Variants in KCNIP4 observed in about 807,000 individuals in gnomAD.
The protein encoded by KCNIP4 is potassium voltage-gated channel interacting protein 4.
KCNIP4 carries 12 observed loss-of-function variants against 34.0 expected under a neutral mutation model. That is an observed-to-expected ratio of 0.35 (90% confidence interval 0.23 to 0.57). KCNIP4 has a LOEUF of 0.57. Ranked by LOEUF, KCNIP4 falls within the 20% of genes least tolerant of loss-of-function variation. The pLI, the probability that KCNIP4 is intolerant of heterozygous loss-of-function variation, is 0.83. For missense variants in KCNIP4, 238 were observed against 311.7 expected (o/e 0.76, Z 1.78); for synonymous variants, 124 against 102.2 (o/e 1.21, Z -1.29).
At chr4:21,815,590 G>A (rs1721941131) in intron 1 of KCNIP4, among the ~76,000 whole-genome samples, 1 of 152,064 alleles carries the variant, frequency 6.6e-6, no homozygotes, top group Non-Finnish European at 1.5e-5. Context: ...TATTTCCTGT[G>A]GGTGTGCAGA....
intron 1 of KCNIP4, among the ~76,000 whole-genome samples, chr4:21,422,284 T>G (rs2109630944): frequency 6.6e-6 from 1 of 150,716 alleles, no homozygotes; most frequent in East Asian, 2.0e-4. Flanking sequence ...CACTGCAACC[T>G]CCGCCTCCTG....
At chr4:20,756,829 C>T (rs1319534055) in intron 4 of KCNIP4, among the ~76,000 whole-genome samples, 2 of 152,022 alleles carry the variant, frequency 1.3e-5, no homozygotes, top group Non-Finnish European at 2.9e-5. Flanking sequence ...TTCTCTGTCT[C>T]CTTTGTTGAT....
At chr4:21,893,941 C>G (rs1477883898) in intron 1 of KCNIP4, among the ~76,000 whole-genome samples, 2 of 152,066 alleles carry the variant, frequency 1.3e-5, no homozygotes, top group African/African-American at 4.8e-5. Flanking sequence ...TATGCATAAC[C>G]TTGAAAATAA....
At chr4:21,559,068 T>G (rs955126790) in intron 1 of KCNIP4, among the ~76,000 whole-genome samples, 3 of 152,140 alleles carry the variant, frequency 2.0e-5, no homozygotes, top group Non-Finnish European at 2.9e-5. Flanking sequence ...TTAGCCATTG[T>G]TTTGAAAAAG....
intron 1 of KCNIP4, among the ~76,000 whole-genome samples, chr4:21,070,519 T>C (rs1744797358): frequency 1.3e-5 from 2 of 152,070 alleles, no homozygotes; most frequent in South Asian, 4.2e-4. Flanking sequence ...GTCATCTTAA[T>C]TTGTATTTCC....
chr4:21,751,059 A>C (rs1309829819), intron 1 of KCNIP4, among the ~76,000 whole-genome samples: 1 of 152,144 alleles, frequency 6.6e-6, no homozygotes, highest in Non-Finnish European at 1.5e-5. Context: ...ATTGAGCCTG[A>C]TCTCATGGAA....
At chr4:20,782,676 G>A (rs892168360) in intron 3 of KCNIP4, among the ~76,000 whole-genome samples, 4 of 152,076 alleles carry the variant, frequency 2.6e-5, no homozygotes, top group African/African-American at 7.2e-5. Flanking sequence ...TCTTCCCAAC[G>A]AAACCATTTT....
At chr4:21,127,296 C>A (rs1180757961) in intron 1 of KCNIP4, among the ~76,000 whole-genome samples, 1 of 152,108 alleles carries the variant, frequency 6.6e-6, no homozygotes, top group Non-Finnish European at 1.5e-5. Context: ...CTCACTTCCC[C>A]TTCTCTCACC....
rs763253816 is a variant in KCNIP4 at position 21,602,367 on chromosome 4, G to A, written c.61+346204C>T. ...TCTCAGGATCCTCTGCATATAACAC[G>A]GTTCTCCAGGGGCAGTAGATACTCA... On this transcript the variant is annotated intron_variant, in intron 1 of 8. Coordinates refer to ENST00000382152, the MANE Select transcript of KCNIP4 (RefSeq NM_025221.6). Among the ~76,000 whole-genome samples, 56 of 152,144 alleles carry A rather than the reference G, an allele frequency of 3.7e-4. 1 individual carries two copies. Among genetic ancestry groups the A allele is most frequent in the Middle Eastern group, 6.8e-3 (2 of 294 alleles).
intron 1 of KCNIP4, among the ~76,000 whole-genome samples, chr4:21,270,985 C>CA (rs755171963): frequency 0.02 from 2,622 of 132,316 alleles, 131 homozygotes; most frequent in African/African-American, 0.063. Flanking sequence ...GTCCCTGTCC[C>CA]CAAAAAAAAA....
chr4:21,146,956 T>A (rs1752401398), intron 1 of KCNIP4, among the ~76,000 whole-genome samples: 1 of 152,176 alleles, frequency 6.6e-6, no homozygotes, highest in Non-Finnish European at 1.5e-5. Context: ...CTTTTGTGTG[T>A]GTATGTATAT....
At chr4:21,033,564 T>C (rs959665603) in intron 1 of KCNIP4, among the ~76,000 whole-genome samples, 4 of 152,248 alleles carry the variant, frequency 2.6e-5, no homozygotes, top group Middle Eastern at 3.4e-3. Context: ...TAAAGAAGGA[T>C]AGAGTCAGAG....
At chr4:21,468,956 T>G (rs978836748) in intron 1 of KCNIP4, among the ~76,000 whole-genome samples, 8 of 152,204 alleles carry the variant, frequency 5.3e-5, no homozygotes, top group African/African-American at 1.7e-4. Flanking sequence ...AAACTATTTT[T>G]GATCTTCTAA....
At chr4:21,370,850 T>C (rs6448046) in intron 1 of KCNIP4, among the ~76,000 whole-genome samples, 4,828 of 14,306 alleles carry the variant, frequency 0.34, 1,041 homozygotes, top group Non-Finnish European at 0.38. Context: ...TATATATATA[T>C]ACACACACAC....
At chr4:21,310,947 A>C (rs189690095) in intron 1 of KCNIP4, among the ~76,000 whole-genome samples, 233 of 152,258 alleles carry the variant, frequency 1.5e-3, no homozygotes, top group African/African-American at 5.4e-3. Context: ...CATTTCAATA[A>C]TAATGTGAAA....
chr4:21,373,669 G>C (rs1212686756), intron 1 of KCNIP4, among the ~76,000 whole-genome samples: 3 of 146,884 alleles, frequency 2.0e-5, no homozygotes, highest in African/African-American at 8.2e-5. Flanking sequence ...TCTTCATAAA[G>C]GTTGGGTTTC....
chr4:21,744,998 T>C (rs1577931333), intron 1 of KCNIP4, among the ~76,000 whole-genome samples: 2 of 152,258 alleles, frequency 1.3e-5, no homozygotes, highest in East Asian at 1.9e-4. Flanking sequence ...GTTTTATGTT[T>C]TAAAAAGAAC....
intron 1 of KCNIP4, among the ~76,000 whole-genome samples, chr4:20,893,355 T>C (rs1049695005): frequency 6.6e-6 from 1 of 152,300 alleles, no homozygotes; most frequent in Non-Finnish European, 1.5e-5. Context: ...GAGAACTCAT[T>C]TGAATCTAAG....
intron 1 of KCNIP4, among the ~76,000 whole-genome samples, chr4:21,672,926 C>A (rs546399509): frequency 3.3e-4 from 51 of 152,348 alleles, no homozygotes; most frequent in African/African-American, 1.2e-3. Flanking sequence ...GGAGGCCTCA[C>A]TTTCCTGCCA....
Sources: allele counts gnomAD v4.1 joint callset (sites outside exome capture counted in the v4.1 genomes callset), GRCh38; gene constraint gnomAD v4.1.1; transcripts MANE v1.5; gene names NCBI Gene and HGNC (gene_info 2026-07-23, HGNC 2026-07-21).